Variants in RAB10 observed in about 807,000 individuals in gnomAD.
The protein encoded by RAB10 is RAB10, member RAS oncogene family.
A neutral mutation model predicts 25.7 loss-of-function variants in RAB10; 5 were observed. The observed-to-expected ratio is 0.19, with a 90% CI of 0.10 to 0.41. RAB10 has a LOEUF of 0.41. RAB10 is among the 10% of genes least tolerant of loss of function. The probability of loss-of-function intolerance (pLI) is 1.00; values close to 1 mark genes in which losing one functional copy is unlikely to be tolerated. For synonymous variants in RAB10, 89 were observed against 86.4 expected, an observed-to-expected ratio of 1.03 and a Z score of -0.16; for missense variants, 103 against 245.8, an observed-to-expected ratio of 0.42 and a Z score of 3.89.
chr2:26,089,595 GCAA>G (rs1162149069), intron 1 of RAB10, among the ~76,000 whole-genome samples: 1 of 152,098 alleles, frequency 6.6e-6, no homozygotes, highest in Non-Finnish European at 1.5e-5. Context: ...AGCAGCAACT[GCAA>G]CAACAAATTC....
At position 26,036,953 on chromosome 2, in the gene RAB10, A is replaced by C. The variant is rs570531247; in HGVS notation, c.127+2218A>C. ...AGGTGCCCACCACCACACCTGGCTA[A>C]TTTCTGTATTTTTAGTAGAGATGGT... On this transcript the variant is annotated intron_variant, in intron 1 of 5. Coordinates refer to ENST00000264710, the MANE Select transcript of RAB10 (RefSeq NM_016131.5). 3.3e-5 allele frequency among the ~76,000 whole-genome samples: 5 copies of C among 151,796 alleles called. No homozygotes were observed. In the South Asian group the frequency reaches 1.0e-3, roughly 32 times the overall value.
At chr2:26,122,340 A>G (rs1057016289) in intron 3 of RAB10, among the ~76,000 whole-genome samples, 1 of 152,232 alleles carries the variant, frequency 6.6e-6, no homozygotes, top group African/African-American at 2.4e-5. Context: ...AGAAAGGCAT[A>G]CTTGTAGGCT....
chr2:26,096,823 A>G (rs1246027403), intron 1 of RAB10, among the ~76,000 whole-genome samples: 1 of 152,142 alleles, frequency 6.6e-6, no homozygotes, highest in Non-Finnish European at 1.5e-5. Flanking sequence ...AAATTTTCTA[A>G]TTTTCACTAT....
At chr2:26,082,350 A>C (rs963670704) in intron 1 of RAB10, among the ~76,000 whole-genome samples, 2 of 152,118 alleles carry the variant, frequency 1.3e-5, no homozygotes, top group African/African-American at 4.8e-5. Context: ...CAGCGACCAA[A>C]TCTTAAAGTT....
intron 3 of RAB10, among the ~76,000 whole-genome samples, chr2:26,117,638 A>ACT: frequency 6.3e-5 from 1 of 15,830 alleles, no homozygotes; most frequent in East Asian, 2.8e-3. Context: ...AAAAAAAACA[A>ACT]AAAAAACAAA....
chr2:26,062,106 A>G (rs902774793), intron 1 of RAB10, among the ~76,000 whole-genome samples: 2 of 152,186 alleles, frequency 1.3e-5, no homozygotes, highest in African/African-American at 4.8e-5. Context: ...TACTATAGTA[A>G]GGGTAATTTC....
chr2:26,115,860 GTTTT>G (rs70950169), intron 3 of RAB10, among the ~76,000 whole-genome samples: 1 of 105,796 alleles, frequency 9.5e-6, no homozygotes. Flanking sequence ...TGTTATTACT[GTTTT>G]TTTTTTTTTT....
chr2:26,051,878 GAAACCCC>G (rs1666142937), intron 1 of RAB10, among the ~76,000 whole-genome samples: 1 of 151,688 alleles, frequency 6.6e-6, no homozygotes, highest in African/African-American at 2.4e-5. Context: ...CCAACATGGT[GAAACCCC>G]GTCTCTACTA....
At chr2:26,083,437 C>T (rs144218974) in intron 1 of RAB10, among the ~76,000 whole-genome samples, 1,706 of 146,588 alleles carry the variant, frequency 0.012, 16 homozygotes, top group Middle Eastern at 0.024. Context: ...CTTCCCTCCC[C>T]TCCCCCAAAA....
At chr2:26,099,440 G>A (rs1015793337) in intron 2 of RAB10, among the ~76,000 whole-genome samples, 1 of 151,312 alleles carries the variant, frequency 6.6e-6, no homozygotes, top group Non-Finnish European at 1.5e-5. Flanking sequence ...GCCTCTTTGT[G>A]ATCTTTTGTA....
At chr2:26,095,556 GAGAT>G (rs1458515004) in intron 1 of RAB10, among the ~76,000 whole-genome samples, 3 of 151,778 alleles carry the variant, frequency 2.0e-5, no homozygotes, top group Non-Finnish European at 4.4e-5. Flanking sequence ...ACAGTGAACT[GAGAT>G]AGCGCAATTG....
intron 3 of RAB10, among the ~76,000 whole-genome samples, chr2:26,120,408 A>G (rs1464257329): frequency 1.3e-5 from 2 of 152,214 alleles, no homozygotes; most frequent in Admixed American, 1.3e-4. Flanking sequence ...ATGTCCCCGA[A>G]GTCCATCCTT....
chr2:26,076,215 A>C (rs1188340250), intron 1 of RAB10, among the ~76,000 whole-genome samples: 1 of 65,638 alleles, frequency 1.5e-5, no homozygotes, highest in Non-Finnish European at 3.8e-5. Context: ...GGTGGGGAAA[A>C]CAGAGACCTG....
intron 1 of RAB10, among the ~76,000 whole-genome samples, chr2:26,069,981 A>G (rs529404002): frequency 6.6e-6 from 1 of 152,318 alleles, no homozygotes; most frequent in African/African-American, 2.4e-5. Context: ...TGCTGGGATT[A>G]CAGGCGTGAG....
chr2:26,058,441 T>C (rs6758264), intron 1 of RAB10, among the ~76,000 whole-genome samples: 11 of 151,992 alleles, frequency 7.2e-5, no homozygotes, highest in African/African-American at 2.4e-4. Flanking sequence ...TCTTTTTTTT[T>C]AAATTGAGAC....
intron 2 of RAB10, among the ~76,000 whole-genome samples, chr2:26,109,559 T>G (rs1376003852): frequency 6.6e-6 from 1 of 152,228 alleles, no homozygotes; most frequent in East Asian, 1.9e-4. Context: ...CTATGGTGTT[T>G]GCTAGTGCTT....
At position 26,034,338 on chromosome 2, in the gene RAB10, G is replaced by A; in HGVS notation, c.-271G>A. Reference sequence around the variant, plus strand: ...GGCCGAGAAGCCCTGAGGGGGGAGGGGAGGCCATTTTGTCCCGACCGACTC... The same window carrying A: ...GGCCGAGAAGCCCTGAGGGGGGAGGAGAGGCCATTTTGTCCCGACCGACTC... On this transcript the variant is annotated 5_prime_UTR_variant, in exon 1 of 6. Transcript: ENST00000264710. 1 of 570,720 alleles carries A rather than the reference G, an allele frequency of 1.8e-6. No individual in the cohort carries two copies. Among genetic ancestry groups the A allele is most frequent in the East Asian group, 2.8e-5 (1 of 35,452 alleles). 35.4% of individuals were successfully genotyped at this position (570,720 alleles called of 1,614,324 possible).
At chr2:26,081,675 A>G (rs2149273905) in intron 1 of RAB10, among the ~76,000 whole-genome samples, 1 of 152,348 alleles carries the variant, frequency 6.6e-6, no homozygotes, top group South Asian at 2.1e-4. Context: ...TTGGATAAAG[A>G]GGTATTTGTG....
At chr2:26,083,940 A>C (rs1287259257) in intron 1 of RAB10, among the ~76,000 whole-genome samples, 1 of 152,240 alleles carries the variant, frequency 6.6e-6, no homozygotes, top group Non-Finnish European at 1.5e-5. Flanking sequence ...AATATATGCA[A>C]GGCTTAGACA....
Sources: allele counts gnomAD v4.1 joint callset (sites outside exome capture counted in the v4.1 genomes callset), GRCh38; gene constraint gnomAD v4.1.1; transcripts MANE v1.5; gene names NCBI Gene and HGNC (gene_info 2026-07-23, HGNC 2026-07-21).